TRPM3: variants seen among roughly 807,000 people sequenced by gnomAD.
TRPM3 encodes long transient receptor potential channel 3.
Under a neutral mutation model 181.2 loss-of-function variants are expected in TRPM3, and 77 were observed. That is an observed-to-expected ratio of 0.42 (90% CI 0.35 to 0.51). TRPM3 has a LOEUF of 0.51. TRPM3 is among the 20% of genes least tolerant of loss of function. TRPM3 has a pLI of 0.01. For missense variants in TRPM3, 1,759 were observed against 2,196.7 expected (o/e 0.80, Z 3.98); for synonymous variants, 745 against 796.4 (o/e 0.94, Z 1.09).
intron 7 of TRPM3, among the ~76,000 whole-genome samples, chr9:70,769,763 T>C (rs2079863186): frequency 7.9e-6 from 1 of 127,314 alleles, no homozygotes; most frequent in African/African-American, 2.4e-5. Flanking sequence ...TTGTTTGTCT[T>C]ACTCTAGTAG....
At chr9:71,371,704 G>T (rs904714136) in intron 1 of TRPM3, among the ~76,000 whole-genome samples, 1 of 152,146 alleles carries the variant, frequency 6.6e-6, no homozygotes, top group African/African-American at 2.4e-5. Context: ...GCAGAGGCAG[G>T]GTTTAAGAGG....
At chr9:70,605,574 C>G (rs2060918091) in intron 19 of TRPM3, among the ~76,000 whole-genome samples, 1 of 152,092 alleles carries the variant, frequency 6.6e-6, no homozygotes, top group Admixed American at 6.6e-5. Flanking sequence ...GTGTAGGACG[C>G]TGTTTAAAAA....
At chr9:71,155,659 G>A (rs2075965523) in intron 1 of TRPM3, among the ~76,000 whole-genome samples, 1 of 151,844 alleles carries the variant, frequency 6.6e-6, no homozygotes, top group African/African-American at 2.4e-5. Context: ...CTGGCACAAA[G>A]TTCCTATTTA....
chr9:70,953,975 G>C (rs926762546), intron 1 of TRPM3, among the ~76,000 whole-genome samples: 1 of 152,068 alleles, frequency 6.6e-6, no homozygotes, highest in Admixed American at 6.6e-5. Context: ...AACTTCAGTG[G>C]GTCTTCTCAG....
intron 3 of TRPM3, among the ~76,000 whole-genome samples, chr9:70,860,794 T>A (rs567804679): frequency 2.2e-4 from 33 of 152,294 alleles, no homozygotes; most frequent in African/African-American, 7.5e-4. Flanking sequence ...GATGATAGTA[T>A]TAATAATATT....
In TRPM3 at chr9:70,829,728, A is replaced by T. The variant is rs371140531; in HGVS notation, c.802-1710T>A. ...TTTGATTATTGTCTCTAGTAATTGC[A>T]TGGAGCAGTAATCAATTACTGCTTT... On this transcript the variant is annotated intron_variant, in intron 5 of 25. Coordinates refer to ENST00000677713, the MANE Select transcript of TRPM3 (RefSeq NM_001366145.2). Among the ~76,000 whole-genome samples, 15 of 152,268 alleles carry T rather than the reference A, an allele frequency of 9.9e-5. No homozygotes were observed. The South Asian group carries it at 2.3e-3, about 23-fold the overall frequency.
chr9:70,634,583 C>T (rs1405785975), intron 12 of TRPM3, among the ~76,000 whole-genome samples: 1 of 152,134 alleles, frequency 6.6e-6, no homozygotes, highest in Non-Finnish European at 1.5e-5. Context: ...TAGCTCTTCA[C>T]TAAATGCCAA....
At chr9:71,283,896 T>C (rs1428093137) in intron 1 of TRPM3, among the ~76,000 whole-genome samples, 1 of 152,214 alleles carries the variant, frequency 6.6e-6, no homozygotes, top group African/African-American at 2.4e-5. Flanking sequence ...TTATGTTTCA[T>C]AATTGTGTCT....
chr9:70,668,672 GAAAAAAAAAAAAAAAAA>G (rs57929544), intron 9 of TRPM3, among the ~76,000 whole-genome samples: 1 of 86,512 alleles, frequency 1.2e-5, no homozygotes, highest in South Asian at 4.4e-4. Flanking sequence ...CTCAAAAAAA[GAAAAAAAAAAAAAAAAA>G]AAAAAAAAGA....
chr9:71,338,228 G>A (rs1897258), intron 1 of TRPM3, among the ~76,000 whole-genome samples: 135,383 of 152,024 alleles, frequency 0.89, 61,043 homozygotes, highest in East Asian at 0.97. Context: ...ACTCAGAGAT[G>A]TTCCTTAGAG....
chr9:71,093,394 A>G (rs2066556296), intron 1 of TRPM3, among the ~76,000 whole-genome samples: 1 of 152,210 alleles, frequency 6.6e-6, no homozygotes, highest in Admixed American at 6.5e-5. Flanking sequence ...ACAAGAAAAA[A>G]AAACAAACAA....
chr9:71,159,584 A>G (rs1032689571), intron 1 of TRPM3, among the ~76,000 whole-genome samples: 2 of 152,156 alleles, frequency 1.3e-5, no homozygotes, highest in Admixed American at 6.6e-5. Flanking sequence ...TGTTCTTAAG[A>G]AAGTTATTAT....
At chr9:70,922,577 A>C (rs2096668745) in intron 1 of TRPM3, among the ~76,000 whole-genome samples, 1 of 152,196 alleles carries the variant, frequency 6.6e-6, no homozygotes, top group Non-Finnish European at 1.5e-5. Flanking sequence ...CCTTTCTGCC[A>C]CTATTTGAAG....
chr9:70,741,863 G>C (rs2074176381), intron 8 of TRPM3, among the ~76,000 whole-genome samples: 1 of 152,026 alleles, frequency 6.6e-6, no homozygotes, highest in Non-Finnish European at 1.5e-5. Context: ...GCTATACATT[G>C]GATACAGTGT....
At chr9:70,839,714 C>T (rs1041011618) in intron 5 of TRPM3, among the ~76,000 whole-genome samples, 1 of 152,102 alleles carries the variant, frequency 6.6e-6, no homozygotes, top group African/African-American at 2.4e-5. Flanking sequence ...TTTTGTACCT[C>T]TTCAATATTA....
chr9:71,067,225 T>C (rs200646702), intron 1 of TRPM3, among the ~76,000 whole-genome samples: 2 of 83,916 alleles, frequency 2.4e-5, no homozygotes, highest in African/African-American at 3.5e-5. Context: ...TTTCAAAGAA[T>C]TTTTTTTTTT....
In TRPM3 at chr9:71,203,634, T is replaced by G. The variant is rs1587936117; in HGVS notation, c.183+243019A>C. ...TTAGGCATGTTACTTGACCTCTCTG[T>G]GTCTGAATTTCCTCATCTATAAAAT... On this transcript the variant is annotated intron_variant, in intron 1 of 24. Coordinates refer to the TRPM3 transcript ENST00000357533. Among the ~76,000 whole-genome samples the G allele has an allele frequency of 3.3e-5, 5 of 152,314 alleles. 1 individual carries two copies. In the South Asian group the frequency reaches 1.0e-3, roughly 32 times the overall value.
At chr9:71,031,288 C>T (rs1361001512) in intron 1 of TRPM3, among the ~76,000 whole-genome samples, 1 of 152,148 alleles carries the variant, frequency 6.6e-6, no homozygotes, top group Non-Finnish European at 1.5e-5. Flanking sequence ...GGTCTCTGCC[C>T]TTGCAGTGCT....
intron 1 of TRPM3, among the ~76,000 whole-genome samples, chr9:71,416,211 A>G (rs1472980389): frequency 6.6e-6 from 1 of 151,930 alleles, no homozygotes; most frequent in Non-Finnish European, 1.5e-5. Context: ...ATAAATCAGA[A>G]TAGGTACTTA....
Sources: allele counts gnomAD v4.1 joint callset (sites outside exome capture counted in the v4.1 genomes callset), GRCh38; gene constraint gnomAD v4.1.1; transcripts MANE v1.5; gene names NCBI Gene and HGNC (gene_info 2026-07-23, HGNC 2026-07-21).